The following CWF19L2 variants were observed in gnomAD, a reference collection of about 807,000 sequenced individuals.
CWF19L2 encodes CWF19 like cell cycle control factor 2, also known as CWF19-like protein 2.
A neutral mutation model predicts 111.7 loss-of-function variants in CWF19L2; 98 were observed. The ratio of observed to expected loss-of-function variants is 0.88; its 90% confidence interval spans 0.75 to 1.04. The LOEUF (loss-of-function observed/expected upper bound fraction) is 1.04. Among genes scored for constraint, CWF19L2 ranks in the 50% least tolerant of loss-of-function variants. The probability of loss-of-function intolerance (pLI) is 0.00; values close to 1 mark genes in which losing one functional copy is unlikely to be tolerated. For synonymous variants in CWF19L2, 351 were observed against 342.9 expected (o/e 1.02, Z -0.26); for missense variants, 1,101 against 1,051.4 (o/e 1.05, Z -0.65).
intron 6 of CWF19L2, among the ~76,000 whole-genome samples, chr11:107,434,950 GTATT>G (rs1336746084): frequency 6.6e-6 from 1 of 151,868 alleles, no homozygotes; most frequent in Non-Finnish European, 1.5e-5. Context: ...TGTGGTTTGT[GTATT>G]TATGTACATA....
chr11:107,344,969 T>C (rs1056487262), intron 14 of CWF19L2, among the ~76,000 whole-genome samples: 16 of 152,250 alleles, frequency 1.1e-4, no homozygotes, highest in African/African-American at 3.9e-4. Context: ...TACTGCTGGG[T>C]AGCAGGTGGG....
At chr11:107,441,301 A>C (rs1490862077) in intron 5 of CWF19L2, among the ~76,000 whole-genome samples, 4 of 152,150 alleles carry the variant, frequency 2.6e-5, no homozygotes, top group African/African-American at 9.7e-5. Flanking sequence ...TAGATTTATA[A>C]ATCTAGTAAA....
At chr11:107,372,512 G>A (rs1224803356) in intron 12 of CWF19L2, among the ~76,000 whole-genome samples, 1 of 136,770 alleles carries the variant, frequency 7.3e-6, no homozygotes. Context: ...TAAAGAGGTA[G>A]TGACCAGGCC....
chr11:107,373,241 A>G lies in CWF19L2; in HGVS notation c.1872+16833T>C, dbSNP rs901650227. On this transcript the variant is annotated intron_variant, in intron 12 of 17. Transcript: ENST00000282251. Reference sequence around the variant, plus strand: ...GCTTGCTCAGGTAAACAAAGCAGCCAGGAAGCTCGAACTGGGTGGAGCCCA... The same window carrying G: ...GCTTGCTCAGGTAAACAAAGCAGCCGGGAAGCTCGAACTGGGTGGAGCCCA... Among the ~76,000 whole-genome samples the G allele has an allele frequency of 4.7e-5, 6 of 128,380 alleles. 1 individual carries two copies. Among genetic ancestry groups the G allele is most frequent in the Middle Eastern group, 7.8e-3 (2 of 258 alleles). 84.2% of individuals were successfully genotyped at this position (128,380 alleles called of 152,430 possible).
chr11:107,423,752 T>C (rs1300207220), intron 8 of CWF19L2, among the ~76,000 whole-genome samples: 1 of 151,794 alleles, frequency 6.6e-6, no homozygotes, highest in Non-Finnish European at 1.5e-5. Context: ...GAGCTCCATA[T>C]CCAGAAATAA....
At chr11:107,396,878 C>A (rs1233746900) in intron 10 of CWF19L2, among the ~76,000 whole-genome samples, 1 of 152,168 alleles carries the variant, frequency 6.6e-6, no homozygotes, top group African/African-American at 2.4e-5. Flanking sequence ...GAACACACTT[C>A]CTCCCGAACA....
intron 13 of CWF19L2, among the ~76,000 whole-genome samples, chr11:107,352,146 T>C (rs1197761501): frequency 1.3e-5 from 2 of 152,200 alleles, no homozygotes. Context: ...GTGTCTTTGC[T>C]TGTATTGTCC....
intron 11 of CWF19L2, among the ~76,000 whole-genome samples, chr11:107,391,070 C>T (rs183592125): frequency 1.3e-5 from 2 of 152,310 alleles, no homozygotes; most frequent in Non-Finnish European, 2.9e-5. Context: ...CAGGGATTCT[C>T]GGGCCTTCAG....
rs796730955 is a variant in CWF19L2 at position 107,446,599 on chromosome 11, TTATG to T, written c.340-3554_340-3551del. Among the ~76,000 whole-genome samples the T allele has an allele frequency of 2.7e-3, 412 of 152,178 alleles. 2 individuals are homozygous for T. Among genetic ancestry groups the T allele is most frequent in the African/African-American group, 9.5e-3 (394 of 41,538 alleles). On this transcript the variant is annotated intron_variant, in intron 3 of 17. Transcript: ENST00000282251. ...CTACTACAAAATCATATTATTAATA[TTATG>T]TATCTATTTATCCAATTAGGAAATG...
At chr11:107,390,593 C>T (rs1860833197) in intron 11 of CWF19L2, among the ~76,000 whole-genome samples, 2 of 152,178 alleles carry the variant, frequency 1.3e-5, no homozygotes, top group African/African-American at 4.8e-5. Flanking sequence ...ATATCAAAAA[C>T]AGAGATGAAG....
At chr11:107,402,871 G>GTATATATATATATATA (rs767099135) in intron 10 of CWF19L2, among the ~76,000 whole-genome samples, 780 of 56,800 alleles carry the variant, frequency 0.014, 122 homozygotes, top group Non-Finnish European at 0.017. Context: ...AAACTGTGGT[G>GTATATATATATATATA]TGTATATATA....
At chr11:107,361,490 T>G (rs1027256014) in intron 12 of CWF19L2, among the ~76,000 whole-genome samples, 4 of 152,182 alleles carry the variant, frequency 2.6e-5, no homozygotes, top group Non-Finnish European at 5.9e-5. Flanking sequence ...ATTTTAATAT[T>G]GTTTGTTCTA....
At chr11:107,345,812 T>A (rs1860072282) in intron 14 of CWF19L2, among the ~76,000 whole-genome samples, 1 of 152,216 alleles carries the variant, frequency 6.6e-6, no homozygotes, top group African/African-American at 2.4e-5. Context: ...TAAAAAGTTA[T>A]GTAACAACTA....
At chr11:107,457,601 A>T in intron 1 of CWF19L2, 111 bp downstream of exon 1, 1 of 733,372 alleles carries the variant, frequency 1.4e-6, no homozygotes, top group Non-Finnish European at 2.3e-6. Flanking sequence ...CACCCAAATT[A>T]AGGTGAGATT....
rs879315957 is a variant in CWF19L2, at chr11:107,367,424, A to C, written c.1873-13688T>G. Reference sequence around the variant, plus strand: ...TCACAATAGCAAAGACTTGGAACCAACCCAAATGTCCAACAATGATAGACT... The same window carrying C: ...TCACAATAGCAAAGACTTGGAACCACCCCAAATGTCCAACAATGATAGACT... On this transcript the variant is annotated intron_variant, in intron 12 of 17. Transcript: ENST00000282251. 3.2e-3 allele frequency among the ~76,000 whole-genome samples: 400 copies of C among 126,914 alleles called. 59 individuals carry two copies. The highest frequency in any genetic ancestry group is 4.6e-3 in the Non-Finnish European group (280 of 60,278). 83.3% of individuals were successfully genotyped at this position (126,914 alleles called of 152,430 possible).
chr11:107,379,476 G>A (rs1458968463), intron 12 of CWF19L2, among the ~76,000 whole-genome samples: 1 of 152,210 alleles, frequency 6.6e-6, no homozygotes, highest in African/African-American at 2.4e-5. Flanking sequence ...ATGTTCAAGA[G>A]GGATTCTGAT....
Position 107,334,908 on chromosome 11 carries a change from A to G in CWF19L2, c.2412T>C (p.Asp804=). 1 of 1,605,116 alleles carries G rather than the reference A, an allele frequency of 6.2e-7. No individual in the cohort carries two copies. The highest frequency in any genetic ancestry group is 8.5e-7 in the Non-Finnish European group (1 of 1,172,330). The change falls in exon 16 of 18, where the codon GAT becomes GAC. Residue 804 remains aspartate, a synonymous_variant. Coordinates refer to ENST00000282251, the MANE Select transcript of CWF19L2 (RefSeq NM_152434.3). ...ACTTTCTGATATCTTTTGAAGAGAG[A>G]TCTATCAACTTCTTGTTCATGGACC... ...EEWSMNKKLI[D]LSSKDIRKSV...
intron 8 of CWF19L2, 67 bp downstream of exon 8, chr11:107,428,731 TA>T: frequency 1.6e-6 from 2 of 1,257,272 alleles, no homozygotes; most frequent in Non-Finnish European, 2.2e-6. Context: ...ACTGATGTTC[TA>T]AAAATACAGT....
At chr11:107,389,767 C>T (rs919478884) in intron 12 of CWF19L2, among the ~76,000 whole-genome samples, 1 of 152,092 alleles carries the variant, frequency 6.6e-6, no homozygotes, top group Non-Finnish European at 1.5e-5. Context: ...TATCAGCGCA[C>T]TGTCAATCAT....
Sources: allele counts gnomAD v4.1 joint callset (sites outside exome capture counted in the v4.1 genomes callset), GRCh38; gene constraint gnomAD v4.1.1; transcripts MANE v1.5; gene names NCBI Gene and HGNC (gene_info 2026-07-23, HGNC 2026-07-21).